APBA2: variants seen among roughly 807,000 people sequenced by gnomAD.
APBA2 encodes amyloid-beta A4 precursor protein-binding family A member 2.
Under a neutral mutation model 75.0 loss-of-function variants are expected in APBA2, and 30 were observed. The ratio of observed to expected loss-of-function variants is 0.40; its 90% confidence interval spans 0.30 to 0.54. The LOEUF (loss-of-function observed/expected upper bound fraction) is 0.54. Ranked by LOEUF, APBA2 falls within the 20% of genes least tolerant of loss-of-function variation. The probability of loss-of-function intolerance (pLI) is 0.49; values close to 1 mark genes in which losing one functional copy is unlikely to be tolerated. For missense variants in APBA2, 801 were observed against 1,016.1 expected (o/e 0.79, Z 2.88); for synonymous variants, 444 against 409.6 (o/e 1.08, Z -1.01).
intron 2 of APBA2, among the ~76,000 whole-genome samples, chr15:28,932,355 G>C (rs1422657202): frequency 6.6e-6 from 1 of 152,110 alleles, no homozygotes; most frequent in African/African-American, 2.4e-5. Context: ...GTGGGGTAGG[G>C]TTTAAAACCC....
intron 1 of APBA2, among the ~76,000 whole-genome samples, chr15:28,914,044 A>T (rs1469309455): frequency 1.3e-5 from 2 of 152,208 alleles, no homozygotes; most frequent in Non-Finnish European, 1.5e-5. Context: ...GAGGTGAAAC[A>T]TTGGGTTTTT....
At chr15:29,027,150 A>C (rs1004783255) in intron 3 of APBA2, among the ~76,000 whole-genome samples, 2 of 152,106 alleles carry the variant, frequency 1.3e-5, no homozygotes, top group East Asian at 3.8e-4. Context: ...CATGTTGGAG[A>C]CTAGTTTGTG....
At chr15:29,051,063 G>A (rs1052327523) in intron 3 of APBA2, among the ~76,000 whole-genome samples, 34 of 152,276 alleles carry the variant, frequency 2.2e-4, no homozygotes, top group African/African-American at 7.2e-4. Context: ...TGTAGTTACT[G>A]GAGATTGTGT....
intron 2 of APBA2, among the ~76,000 whole-genome samples, chr15:28,959,114 G>A (rs1021988630): frequency 4.6e-5 from 7 of 152,028 alleles, no homozygotes; most frequent in African/African-American, 1.7e-4. Context: ...TCAGTCTCCC[G>A]AGTAGCTGGG....
chr15:28,963,827 A>T (rs1370510496), intron 2 of APBA2, among the ~76,000 whole-genome samples: 1 of 152,258 alleles, frequency 6.6e-6, no homozygotes, highest in Admixed American at 6.5e-5. Flanking sequence ...ACAATAGTCA[A>T]ACCAGGAAAC....
intron 2 of APBA2, among the ~76,000 whole-genome samples, chr15:28,937,408 T>C (rs1342458320): frequency 6.6e-6 from 1 of 152,176 alleles, no homozygotes; most frequent in African/African-American, 2.4e-5. Flanking sequence ...AATTCCCACA[T>C]TGCAGAGTGC....
intron 2 of APBA2, among the ~76,000 whole-genome samples, chr15:28,943,932 C>A (rs938579530): frequency 1.3e-5 from 2 of 152,104 alleles, no homozygotes; most frequent in African/African-American, 4.8e-5. Flanking sequence ...CTGGGGTGGC[C>A]GCTACACAGT....
At chr15:28,913,152 GGGTTGGCTTGGGTCA>G (rs2033510888) in intron 1 of APBA2, among the ~76,000 whole-genome samples, 1 of 152,226 alleles carries the variant, frequency 6.6e-6, no homozygotes, top group Non-Finnish European at 1.5e-5. Context: ...GGGCCAAAAG[GGGTTGGCTTGGGTCA>G]GGCTGCTCAG....
chr15:28,966,548 C>G (rs2036749410), intron 2 of APBA2, among the ~76,000 whole-genome samples: 1 of 152,090 alleles, frequency 6.6e-6, no homozygotes, highest in Non-Finnish European at 1.5e-5. Context: ...TTTTCCCATC[C>G]TTTACTTTCA....
intron 4 of APBA2, among the ~76,000 whole-genome samples, chr15:29,067,681 G>A (rs370721909): frequency 6.6e-6 from 1 of 152,090 alleles, no homozygotes; most frequent in Non-Finnish European, 1.5e-5. Context: ...CCATCCTCTC[G>A]CCTTTTCCAC....
chr15:28,988,268 CT>C (rs1450368077), intron 2 of APBA2, among the ~76,000 whole-genome samples: 257 of 139,864 alleles, frequency 1.8e-3, no homozygotes, highest in Admixed American at 2.1e-3. Flanking sequence ...TGTAGTGTGC[CT>C]TTTTTTTTTT....
intron 3 of APBA2, among the ~76,000 whole-genome samples, chr15:29,032,204 T>C (rs947389793): frequency 6.6e-6 from 1 of 152,250 alleles, no homozygotes; most frequent in Admixed American, 6.5e-5. Flanking sequence ...TGTGTTAACT[T>C]TGCCCAGCTC....
intron 2 of APBA2, among the ~76,000 whole-genome samples, chr15:28,935,786 C>T (rs529431323): frequency 6.6e-6 from 1 of 152,268 alleles, no homozygotes; most frequent in East Asian, 1.9e-4. Flanking sequence ...ATTTGGGTCC[C>T]CTAATTGTCC....
chr15:28,936,091 T>C (rs1306319735), intron 2 of APBA2, among the ~76,000 whole-genome samples: 3 of 152,190 alleles, frequency 2.0e-5, no homozygotes, highest in Non-Finnish European at 4.4e-5. Context: ...TCCAATCTAG[T>C]AGAAAATAGA....
At chr15:28,929,166 A>G (rs573738669) in intron 2 of APBA2, among the ~76,000 whole-genome samples, 6 of 152,132 alleles carry the variant, frequency 3.9e-5, no homozygotes, top group African/African-American at 1.2e-4. Context: ...ACCGGGAATC[A>G]TGTTTGTTAT....
chr15:29,047,036 C>CA lies in APBA2; in HGVS notation c.-40-6808dup, dbSNP rs2041370810. Among the ~76,000 whole-genome samples, 2 of 152,228 alleles carry CA rather than the reference C, an allele frequency of 1.3e-5. 1 individual carries two copies. Among genetic ancestry groups the CA allele is most frequent in the South Asian group, 4.1e-4 (2 of 4,828 alleles). ...CTTCTTTAACTCGCTTCAAGCCCTG[C>CA]AGGCACATACTGTCATTTTCAGTTT... On this transcript the variant is annotated intron_variant, in intron 3 of 14. Coordinates refer to ENST00000683413, the MANE Select transcript of APBA2 (RefSeq NM_001353788.2).
At position 28,918,497 on chromosome 15, in the gene APBA2, A is replaced by G. The variant is rs1236908742; in HGVS notation, c.-204-3143A>G. Among the ~76,000 whole-genome samples, 3 of 152,286 alleles carry G rather than the reference A, an allele frequency of 2.0e-5. No homozygotes were observed. The East Asian group carries it at 5.8e-4, about 29-fold the overall frequency. ...GAAGCAGATGGCTTCCCCCACTGCA[A>G]GGAGGAATCCCGGTGCTCTTCTCCA... is the stretch of plus-strand genomic sequence containing the variant. On this transcript the variant is annotated intron_variant, in intron 1 of 14. Coordinates refer to ENST00000683413, the MANE Select transcript of APBA2 (RefSeq NM_001353788.2). The surrounding 1 kb of genome is among the most constrained non-coding windows in gnomAD (Gnocchi z 4.2).
At chr15:28,948,145 G>A (rs1429851922) in intron 2 of APBA2, among the ~76,000 whole-genome samples, 1 of 152,198 alleles carries the variant, frequency 6.6e-6, no homozygotes, top group Non-Finnish European at 1.5e-5. Context: ...GGTTTCATTA[G>A]ATGTTCAGAG....
At chr15:28,993,654 G>A (rs1305767627) in intron 2 of APBA2, among the ~76,000 whole-genome samples, 1 of 152,252 alleles carries the variant, frequency 6.6e-6, no homozygotes, top group Non-Finnish European at 1.5e-5. Flanking sequence ...GCTCCTGGGC[G>A]GTGTGATGAT....
Sources: gnomAD v4.1 joint callset for allele counts (sites outside exome capture counted in the v4.1 genomes callset) on GRCh38, gnomAD v4.1.1 for gene constraint, Gnocchi (gnomAD v3.1) non-coding constraint, MANE v1.5 for transcripts, NCBI Gene and HGNC (gene_info 2026-07-23, HGNC 2026-07-21) for gene names.